Variants in TASP1 observed in about 807,000 individuals in gnomAD.
TASP1 encodes the protein taspase 1, also known as threonine aspartase 1.
TASP1 carries 16 observed loss-of-function variants against 56.6 expected under a neutral mutation model. That is an observed-to-expected ratio of 0.28 (90% CI 0.19 to 0.43). TASP1 has a LOEUF of 0.43. TASP1 is among the 20% of genes least tolerant of loss of function. The probability of loss-of-function intolerance (pLI) is 1.00; values close to 1 mark genes in which losing one functional copy is unlikely to be tolerated. For synonymous variants in TASP1, 179 were observed against 184.2 expected, an observed-to-expected ratio of 0.97 and a Z score of 0.23; for missense variants, 393 against 511.6, an observed-to-expected ratio of 0.77 and a Z score of 2.24.
At chr20:13,165,438 A>C in the TASP1 span, 55 of 152,548 alleles carry the variant, frequency 3.6e-4, 1 homozygote, top group South Asian at 6.0e-3. Flanking sequence ...AGACATAGTT[A>C]ATGTTTCGAG....
At chr20:13,168,532 A>T in the TASP1 span, 1 of 152,152 alleles carries the variant, frequency 6.6e-6, no homozygotes, top group South Asian at 2.1e-4. Context: ...TTAAAAAACA[A>T]CCTTCAACCT....
At chr20:13,579,514 C>T (rs2047042535) in intron 6 of TASP1, among the ~76,000 whole-genome samples, 1 of 152,052 alleles carries the variant, frequency 6.6e-6, no homozygotes, top group African/African-American at 2.4e-5. Context: ...CAGGTGCCCG[C>T]CACCATACCC....
chr20:13,293,207 CA>C, the TASP1 span, among the ~76,000 whole-genome samples: 10,433 of 87,368 alleles, frequency 0.12, 489 homozygotes, highest in African/African-American at 0.24. Context: ...GACTCCGTCT[CA>C]AAAAAAAAAA....
chr20:13,312,482 C>CCT, the TASP1 span, among the ~76,000 whole-genome samples: 3 of 152,214 alleles, frequency 2.0e-5, no homozygotes, highest in Admixed American at 2.0e-4. Flanking sequence ...TCCTCTCCCT[C>CCT]ATGCACAGTC....
chr20:13,205,352 T>G, the TASP1 span, among the ~76,000 whole-genome samples: 1 of 152,170 alleles, frequency 6.6e-6, no homozygotes, highest in African/African-American at 2.4e-5. Flanking sequence ...AAGTGTCTGT[T>G]CAAATGTCGC....
chr20:13,437,705 T>C (rs1016910101), intron 11 of TASP1, among the ~76,000 whole-genome samples: 7 of 152,182 alleles, frequency 4.6e-5, no homozygotes, highest in East Asian at 1.9e-4. Context: ...AGCATTCTTA[T>C]ACACCAATAA....
intron 8 of TASP1, among the ~76,000 whole-genome samples, chr20:13,554,453 T>G (rs2046087186): frequency 6.6e-6 from 1 of 152,206 alleles, no homozygotes; most frequent in African/African-American, 2.4e-5. Flanking sequence ...GAATAAAGTC[T>G]TCTGGCTTTA....
chr20:13,376,351 T>C, the TASP1 span, among the ~76,000 whole-genome samples: 7 of 152,200 alleles, frequency 4.6e-5, no homozygotes, highest in African/African-American at 1.7e-4. Flanking sequence ...CCATTGCTTG[T>C]TTTTGTCAGG....
At chr20:13,334,004 T>C in the TASP1 span, among the ~76,000 whole-genome samples, 1 of 152,200 alleles carries the variant, frequency 6.6e-6, no homozygotes, top group Admixed American at 6.5e-5. Context: ...AGATGCATAA[T>C]TTCAAAATTC....
chr20:13,354,072 C>T, the TASP1 span, among the ~76,000 whole-genome samples: 1 of 152,076 alleles, frequency 6.6e-6, no homozygotes, highest in African/African-American at 2.4e-5. Context: ...AAGAAAAAAA[C>T]TCATCAATTT....
Position 13,429,854 on chromosome 20 carries a change from A to C in TASP1, c.1096+5190T>G, listed in dbSNP as rs1157423473. ...GATCTTGGGATTGGTGTGGCTCTCT[A>C]GGTCAGGTTCTCATTTTTGCCCTTT... On this transcript the variant is annotated intron_variant, in intron 12 of 13. Transcript: ENST00000337743. 2.0e-5 allele frequency among the ~76,000 whole-genome samples: 3 copies of C among 152,016 alleles called. No homozygotes were observed. The East Asian group carries it at 5.8e-4, about 29-fold the overall frequency.
At chr20:13,203,341 G>A in the TASP1 span, among the ~76,000 whole-genome samples, 1 of 152,124 alleles carries the variant, frequency 6.6e-6, no homozygotes, top group Non-Finnish European at 1.5e-5. Context: ...ACTCTCTAAT[G>A]TCAGGATAAA....
rs142792204 is a variant in TASP1, at chr20:13,543,265, C to T, written c.676-9124G>A. On this transcript the variant is annotated intron_variant, in intron 8 of 13. Coordinates refer to ENST00000337743, the MANE Select transcript of TASP1 (RefSeq NM_017714.3). ...CCCACCCACACCACACATTAAAGTA[C>T]TACATATCTTCAAGTGATGCAGGCT... is the stretch of plus-strand genomic sequence containing the variant. 4.7e-3 allele frequency among the ~76,000 whole-genome samples: 709 copies of T among 150,702 alleles called. 1 individual carries two copies. Among genetic ancestry groups the T allele is most frequent in the Non-Finnish European group, 8.4e-3 (568 of 67,676 alleles).
chr20:13,554,883 T>C (rs1601228424), intron 8 of TASP1, among the ~76,000 whole-genome samples: 1 of 152,166 alleles, frequency 6.6e-6, no homozygotes, highest in Non-Finnish European at 1.5e-5. Context: ...CTAATCAGGG[T>C]GGCAGTTGCT....
intron 4 of TASP1, chr20:13,600,476 G>A (rs1224709320): frequency 6.6e-6 from 1 of 152,060 alleles, no homozygotes; most frequent in Non-Finnish European, 1.5e-5. Flanking sequence ...GCAATTCAAT[G>A]GAGAAAGAAT....
chr20:13,107,772 G>T, the TASP1 span, among the ~76,000 whole-genome samples: 8 of 132,652 alleles, frequency 6.0e-5, no homozygotes, highest in South Asian at 2.2e-4. Context: ...AAAGGAAAAT[G>T]ACCTTTTTTT....
chr20:13,299,767 A>G, the TASP1 span: 9 of 277,076 alleles, frequency 3.2e-5, no homozygotes, highest in Non-Finnish European at 5.5e-5. This position sits in a 1 kb window ranked among gnomAD's most constrained non-coding sequence, Gnocchi z 5.8. Flanking sequence ...CTCAATTCAC[A>G]CCCGGATCCA....
At chr20:13,475,207 G>GT (rs1463942298) in intron 11 of TASP1, among the ~76,000 whole-genome samples, 3 of 152,026 alleles carry the variant, frequency 2.0e-5, no homozygotes, top group Non-Finnish European at 4.4e-5. Flanking sequence ...TATAATTAAT[G>GT]TTTGATTTTG....
At chr20:13,401,796 C>T (rs6074606) in intron 13 of TASP1, among the ~76,000 whole-genome samples, 1 of 152,036 alleles carries the variant, frequency 6.6e-6, no homozygotes, top group Non-Finnish European at 1.5e-5. Context: ...GTACATTTGT[C>T]TCATTTACAT....
Sources: gnomAD v4.1 joint callset for allele counts (sites outside exome capture counted in the v4.1 genomes callset) on GRCh38, gnomAD v4.1.1 for gene constraint, Gnocchi (gnomAD v3.1) non-coding constraint, MANE v1.5 for transcripts, NCBI Gene and HGNC (gene_info 2026-07-23, HGNC 2026-07-21) for gene names.